CHADL: variants seen among roughly 807,000 people sequenced by gnomAD.
CHADL encodes the protein chondroadherin-like protein.
In CHADL, 48 loss-of-function variants were observed where a neutral mutation model predicts 52.1. The ratio of observed to expected loss-of-function variants is 0.92; its 90% CI spans 0.73 to 1.17. The LOEUF (loss-of-function observed/expected upper bound fraction) is 1.17. Among genes scored for constraint, CHADL ranks in the 50% most tolerant of loss-of-function variants. The pLI is 0.00. For synonymous variants in CHADL, 498 were observed against 511.2 expected, an observed-to-expected ratio of 0.97 and a Z score of 0.35; for missense variants, 977 against 1,035.1, an observed-to-expected ratio of 0.94 and a Z score of 0.77.
Position 41,237,315 on chromosome 22 carries a change from G to A in CHADL, c.1757C>T (p.Thr586Ile). 4 of 1,550,684 alleles carry A rather than the reference G, an allele frequency of 2.6e-6. No homozygotes were observed. The highest frequency in any genetic ancestry group is 3.5e-6 in the Non-Finnish European group (4 of 1,146,952). ...GGCAGGCAGCCCCTCCAAGGCCCCA[G>A]TGGGCACCTCTCGCAGCTGATTCCT... ...LDRNQLREVP[T>I]GALEGLPALL... Residue 586 changes from threonine (T) to isoleucine (I), a missense_variant, in exon 3 of 6, where the codon ACT (threonine) becomes ATT (isoleucine). Coordinates refer to ENST00000216241, the MANE Select transcript of CHADL (RefSeq NM_138481.2).
Position 41,238,627 on chromosome 22 carries a change from GCTCCTCCAGTGCGTTCCC to G in CHADL, c.427_444del (p.Gly143_Glu148del). The G allele has an allele frequency of 6.5e-7, 1 of 1,544,386 alleles. No individual in the cohort carries two copies. ...AGTGCCCCGAACGTCCCCGGCCGCA[GCTCCTCCAGTGCGTTCCC>G]CTCCAGCTCCAGCCGCCGCAACGAG... is the stretch of plus-strand genomic sequence containing the variant. On this transcript the variant is annotated inframe_deletion, in exon 3 of 6. Transcript: ENST00000216241. The surrounding 1 kb of genome is among the most constrained non-coding windows in gnomAD (Gnocchi z 4.9).
chr22:41,237,425 C>G lies in CHADL; in HGVS notation c.1647G>C (p.Trp549Cys), dbSNP rs932301358. 1 of 1,550,542 alleles carries G rather than the reference C, an allele frequency of 6.4e-7. No homozygotes were observed. The highest frequency in any genetic ancestry group is 8.7e-7 in the Non-Finnish European group (1 of 1,146,964). Residue 549 changes from tryptophan (W) to cysteine (C), a missense_variant, in exon 3 of 6, where the codon TGG becomes TGC. Transcript: ENST00000216241. ...GDLGRTRALR[W>C]VYLSGNRITE... ...TGATGCGGTTTCCACTCAGGTAGAC[C>G]CAGCGCAAGGCCCGTGTTCTCCCCA...
rs759337730 is a variant in CHADL, at chr22:41,238,819, C to T, written c.253G>A (p.Val85Met). The T allele has an allele frequency of 1.9e-6, 3 of 1,548,898 alleles. No individual in the cohort carries two copies. Among genetic ancestry groups the T allele is most frequent in the African/African-American group, 1.4e-5 (1 of 73,140 alleles). ...AGGTCCAGGTGTGTGAGGTGAGGCA[C>T]GCCCTGGAAGGCGGCTGCGGGGATC... ...KVIPAAAFQG[V>M]PHLTHLDLRH... The change falls in exon 3 of 6, where the codon GTG (valine) becomes ATG (methionine). Residue 85 changes from valine (V) to methionine (M), a missense_variant. Val to Met is a conservative substitution (Grantham distance 21). Coordinates refer to ENST00000216241, the MANE Select transcript of CHADL (RefSeq NM_138481.2). The surrounding 1 kb of genome is among the most constrained non-coding windows in gnomAD (Gnocchi z 4.9).
chr22:41,234,591 T>C (rs868495883), intron 5 of CHADL, among the ~76,000 whole-genome samples: 1 of 148,722 alleles, frequency 6.7e-6, no homozygotes, highest in Non-Finnish European at 1.5e-5. Flanking sequence ...TCTTGCTCTG[T>C]CGCCCAGGCT....
In CHADL at chr22:41,239,442, C is replaced by A; in HGVS notation, c.186+1G>T. 6.4e-7 allele frequency: 1 copy of A among 1,550,690 alleles called. No homozygotes were observed. Among genetic ancestry groups the A allele is most frequent in the South Asian group, 1.2e-5 (1 of 83,988 alleles). ...TGTGCCTGTGCTCCTGCCCTGCTGACCTCAGGGATGGCGTCTGGCACCTCA... is the reference window on the plus strand; with the variant it reads ...TGTGCCTGTGCTCCTGCCCTGCTGAACTCAGGGATGGCGTCTGGCACCTCA... On this transcript the variant is annotated splice_donor_variant, in intron 2 of 5. Coordinates refer to ENST00000216241, the MANE Select transcript of CHADL (RefSeq NM_138481.2). LOFTEE classifies it high-confidence loss of function.
chr22:41,237,148 C>T lies in CHADL; in HGVS notation c.1896+28G>A, dbSNP rs1303603077. On this transcript the variant is annotated intron_variant, in intron 3 of 5. Transcript: ENST00000216241. Reference sequence around the variant, plus strand: ...CTGTGGCCTTGTGCCGCCTCCTGCACCAACCCCGCCAGATGCCCAGTGCCC... The same window carrying T: ...CTGTGGCCTTGTGCCGCCTCCTGCATCAACCCCGCCAGATGCCCAGTGCCC... 4.0e-6 allele frequency: 6 copies of T among 1,515,168 alleles called. No individual in the cohort carries two copies. The African/African-American group carries it at 4.1e-5, about 10-fold the overall frequency. The allele number at this position is 1,515,168 out of a possible 1,614,324, so 93.9% of individuals were successfully genotyped here.
At chr22:41,234,260 A>G (rs2032692901) in intron 5 of CHADL, among the ~76,000 whole-genome samples, 1 of 152,146 alleles carries the variant, frequency 6.6e-6, no homozygotes, top group Admixed American at 6.5e-5. Context: ...GCTTATAGGA[A>G]AGGCCACTGT....
At chr22:41,236,713 G>A (rs1361942895) in intron 3 of CHADL, 63 bp from the exon 4 acceptor site, 2 of 1,440,904 alleles carry the variant, frequency 1.4e-6, no homozygotes, top group East Asian at 2.5e-5. Flanking sequence ...CCCAAGTCTG[G>A]AAGGGAGCCC....
chr22:41,237,644 G>T lies in CHADL; in HGVS notation c.1428C>A (p.Ile476=). 6.5e-7 allele frequency: 1 copy of T among 1,548,662 alleles called. No individual in the cohort carries two copies. The highest frequency in any genetic ancestry group is 8.7e-7 in the Non-Finnish European group (1 of 1,145,720). The change falls in exon 3 of 6, where the codon ATC becomes ATA. Residue 476 remains isoleucine, a synonymous_variant. Transcript: ENST00000216241. ...AGALAGLGRL[I]YLYLSDNQLA... ...GCTGGTTGTCGGAGAGGTACAGGTA[G>T]ATCAGGCGGCCCAGCCCGGCCAGGG...
intron 5 of CHADL, 35 bp downstream of exon 5, chr22:41,235,110 C>G (rs766633705): frequency 3.9e-6 from 6 of 1,544,880 alleles, no homozygotes; most frequent in Non-Finnish European, 5.2e-6. Context: ...GCCCACCACC[C>G]ACCAAGGTCT....
chr22:41,231,332 G>C (rs148528367), intron 5 of CHADL: 10 of 152,286 alleles, frequency 6.6e-5, no homozygotes, highest in Admixed American at 6.5e-4. Context: ...CCCCCACCTC[G>C]TGGTATCGAT....
At chr22:41,233,171 G>C (rs2032662485) in intron 5 of CHADL, among the ~76,000 whole-genome samples, 1 of 151,620 alleles carries the variant, frequency 6.6e-6, no homozygotes, top group African/African-American at 2.4e-5. Flanking sequence ...TTATAAAAAG[G>C]GGAAATTTGG....
chr22:41,236,075 C>T (rs139493), intron 4 of CHADL, among the ~76,000 whole-genome samples: 69,315 of 151,990 alleles, frequency 0.46, 17,658 homozygotes, highest in African/African-American at 0.7. Flanking sequence ...TTTCACCATG[C>T]TGGCCAGGCT....
rs1240670602 is a variant in CHADL, at chr22:41,238,764, T to A, written c.308A>T (p.Glu103Val). The change falls in exon 3 of 6, where the codon GAG (glutamate) becomes GTG (valine). Residue 103 changes from glutamate to valine, a missense_variant. Transcript: ENST00000216241. The surrounding 1 kb of genome is among the most constrained non-coding windows in gnomAD (Gnocchi z 4.9). ...GCGGCCCAGGCCACGGAAGGCGCCC[T>A]CGGCCACCAGCTCCACCTCGCAGTG... ...LRHCEVELVAEGAFRGLGRLL... is the reference protein window; with the variant it reads ...LRHCEVELVAVGAFRGLGRLL... 6.5e-7 allele frequency: 1 copy of A among 1,549,324 alleles called. No individual in the cohort carries two copies. Among genetic ancestry groups the A allele is most frequent in the Admixed American group, 2.0e-5 (1 of 50,994 alleles).
intron 5 of CHADL, chr22:41,230,698 TA>T (rs1281701487): frequency 1.8e-5 from 3 of 162,674 alleles, no homozygotes; most frequent in African/African-American, 7.2e-5. Flanking sequence ...CTGAGCAGGA[TA>T]AGGTCCCCTG....
chr22:41,230,423 G>A (rs1416897473), intron 5 of CHADL: 7 of 602,306 alleles, frequency 1.2e-5, no homozygotes, highest in African/African-American at 3.7e-5. Context: ...CCTGGGACCC[G>A]CCTGTTGCTT....
In CHADL at chr22:41,237,209, C is replaced by A; in HGVS notation, c.1863G>T (p.Gln621His). The A allele has an allele frequency of 6.5e-7, 1 of 1,547,920 alleles. No individual in the cohort carries two copies. Among genetic ancestry groups the A allele is most frequent in the Admixed American group, 2.0e-5 (1 of 50,934 alleles). The change falls in exon 3 of 6, where the codon CAG becomes CAT. Residue 621 changes from glutamine to histidine, a missense_variant. Physicochemically the swap from Gln to His is conservative, Grantham distance 24. Coordinates refer to ENST00000216241, the MANE Select transcript of CHADL (RefSeq NM_138481.2). ...GAFQPVGRSL[Q>H]HLFLNSSGLE... ...GGCCACTGCTGTTCAGGAAGAGGTG[C>A]TGCAGCGACCTGCCCACAGGCTGGA...
intron 5 of CHADL, chr22:41,230,076 T>TCC: frequency 1.1e-6 from 1 of 912,382 alleles, no homozygotes; most frequent in Non-Finnish European, 1.7e-6. Context: ...TCCCAGCTCC[T>TCC]CCGCCCCCAC....
In CHADL at chr22:41,235,295, AG is replaced by A; in HGVS notation, c.2111del (p.Pro704LeufsTer9). 1 of 1,551,132 alleles carries A rather than the reference AG, an allele frequency of 6.4e-7. No homozygotes were observed. The part of the protein sequence containing the change: ...NLRVGATCAT[P>X]PNARGQRVKA... ...TCACCCTCTGGCCACGGGCATTGGGAGGGGTGGCGCAGGTGGCCCCCACCCG... is the reference window on the plus strand; with the variant it reads ...TCACCCTCTGGCCACGGGCATTGGGAGGGTGGCGCAGGTGGCCCCCACCCG... On this transcript the variant is annotated frameshift_variant, in exon 5 of 6. Coordinates refer to ENST00000216241, the MANE Select transcript of CHADL (RefSeq NM_138481.2). LOFTEE classifies it high-confidence loss of function.
Sources: allele counts gnomAD v4.1 joint callset (sites outside exome capture counted in the v4.1 genomes callset), GRCh38; gene constraint gnomAD v4.1.1; non-coding constraint Gnocchi (gnomAD v3.1); transcripts MANE v1.5; gene names NCBI Gene and HGNC (gene_info 2026-07-23, HGNC 2026-07-21).